TTC12: variants seen among roughly 807,000 people sequenced by gnomAD.
The protein encoded by TTC12 is tetratricopeptide repeat domain 12.
In TTC12, 70 loss-of-function variants were observed where a neutral mutation model predicts 90.1. The observed-to-expected ratio is 0.78, with a 90% confidence interval of 0.64 to 0.95. The LOEUF (loss-of-function observed/expected upper bound fraction) is 0.95. TTC12 is among the 40% of genes least tolerant of loss of function. TTC12 has a pLI of 0.00. For synonymous variants in TTC12, 296 were observed against 311.5 expected, an observed-to-expected ratio of 0.95 and a Z score of 0.53; for missense variants, 819 against 846.1, an observed-to-expected ratio of 0.97 and a Z score of 0.40.
rs1946932059 is a variant in TTC12, at chr11:113,316,231, T to G, written c.-15-12T>G. 1 of 1,368,584 alleles carries G rather than the reference T, an allele frequency of 7.3e-7. No homozygotes were observed. Among genetic ancestry groups the G allele is most frequent in the Admixed American group, 2.6e-5 (1 of 38,148 alleles). The allele number at this position is 1,368,584 out of a possible 1,614,324, so 84.8% of individuals were successfully genotyped here. A position where few individuals can be genotyped will look rare whatever the true frequency, so the allele number is the denominator to read the frequency against. ...ATTATTATTAATTTCACCATTATGC[T>G]GCATCCCTTAGGGATTCCGGTTCAC... On this transcript the variant is annotated splice_polypyrimidine_tract_variant and intron_variant, in intron 1 of 21. Coordinates refer to ENST00000529221, the MANE Select transcript of TTC12 (RefSeq NM_017868.4).
intron 12 of TTC12, among the ~76,000 whole-genome samples, 163 bp from the exon 13 acceptor site, chr11:113,344,109 T>G (rs1555147101): frequency 6.6e-6 from 1 of 152,222 alleles, no homozygotes; most frequent in African/African-American, 2.4e-5. Context: ...CCCTGGGCAT[T>G]CGGACCCAGC....
downstream of TTC12, chr11:113,368,514 C>G: frequency 6.5e-7 from 1 of 1,548,232 alleles, no homozygotes; most frequent in Non-Finnish European, 8.7e-7. Flanking sequence ...ATTTTCCATC[C>G]TAAAGAGGAT....
intron 6 of TTC12, among the ~76,000 whole-genome samples, chr11:113,327,820 G>C (rs374001088): frequency 8.9e-4 from 135 of 152,266 alleles, no homozygotes; most frequent in African/African-American, 2.8e-3. Flanking sequence ...CTGGAGAAAA[G>C]GATGATGCTT....
At chr11:113,351,188 T>C in intron 14 of TTC12, 51 bp from the exon 15 acceptor site, 1 of 1,529,790 alleles carries the variant, frequency 6.5e-7, no homozygotes, top group Non-Finnish European at 9.1e-7. Flanking sequence ...TGTATTTATG[T>C]TATAGTTTAT....
rs1221635143 is a variant in TTC12, at chr11:113,324,732, A to G, written c.322+50A>G. 3.3e-6 allele frequency: 5 copies of G among 1,521,428 alleles called. No homozygotes were observed. The African/African-American group carries it at 6.8e-5, about 21-fold the overall frequency. 94.2% of individuals were successfully genotyped at this position (1,521,428 alleles called of 1,614,324 possible). The stretch of plus-strand genomic sequence containing the variant: ...ATGGCTGGGATGATTTGTGCTAGAA[A>G]GAGCACACGAAGGCCTGTATGCTGA... On this transcript the variant is annotated intron_variant, in intron 5 of 21. Coordinates refer to ENST00000529221, the MANE Select transcript of TTC12 (RefSeq NM_017868.4).
At chr11:113,317,694 C>T (rs951507140) in intron 2 of TTC12, among the ~76,000 whole-genome samples, 20 of 152,138 alleles carry the variant, frequency 1.3e-4, no homozygotes, top group African/African-American at 4.6e-4. Flanking sequence ...TCTCTCATAT[C>T]TCCCTACCTC....
At chr11:113,338,915 A>C in intron 9 of TTC12, 81 bp downstream of exon 9, 1 of 1,325,986 alleles carries the variant, frequency 7.5e-7, no homozygotes, top group Non-Finnish European at 1.1e-6. Flanking sequence ...CCGTGCTTTC[A>C]CTGCCCTTGG....
chr11:113,315,803 A>G (rs1329556641), intron 1 of TTC12: 1 of 153,422 alleles, frequency 6.5e-6, no homozygotes, highest in Non-Finnish European at 1.5e-5. Context: ...ATGGACATTT[A>G]GATGCAAATT....
At chr11:113,351,400 C>T (rs1263169856) in intron 15 of TTC12, 101 bp downstream of exon 15, 10 of 957,180 alleles carry the variant, frequency 1.0e-5, no homozygotes, top group Middle Eastern at 2.1e-4. Flanking sequence ...TATTGTCTCT[C>T]GGTTGATTAG....
chr11:113,350,810 CG>C (rs1419523091), intron 14 of TTC12, among the ~76,000 whole-genome samples: 1 of 152,210 alleles, frequency 6.6e-6, no homozygotes. Context: ...TGGCACGGGC[CG>C]GGGTATGGAA....
At chr11:113,356,481 A>G (rs1282093766) in intron 16 of TTC12, among the ~76,000 whole-genome samples, 2 of 152,336 alleles carry the variant, frequency 1.3e-5, no homozygotes, top group African/African-American at 4.8e-5. Context: ...TGATCCCATC[A>G]TCGTGATATT....
At chr11:113,328,618 C>T (rs370285728) in intron 6 of TTC12, among the ~76,000 whole-genome samples, 170 of 152,102 alleles carry the variant, frequency 1.1e-3, no homozygotes, top group Middle Eastern at 6.8e-3. Flanking sequence ...TTGATAACAG[C>T]GTTATTGAGA....
intron 20 of TTC12, 118 bp downstream of exon 20, chr11:113,364,045 C>G (rs538892544): frequency 3.0e-6 from 2 of 662,842 alleles, no homozygotes; most frequent in South Asian, 3.8e-5. Context: ...CTCTCCCAGA[C>G]TTCAGCAATG....
At chr11:113,334,648 A>G (rs1199171476) in intron 7 of TTC12, among the ~76,000 whole-genome samples, 1 of 151,586 alleles carries the variant, frequency 6.6e-6, no homozygotes, top group Admixed American at 6.6e-5. Flanking sequence ...TTTTACAAGC[A>G]TCCTAGATGA....
intron 2 of TTC12, among the ~76,000 whole-genome samples, chr11:113,322,951 G>T (rs553122263): frequency 1.5e-4 from 23 of 152,054 alleles, no homozygotes; most frequent in African/African-American, 4.8e-4. Flanking sequence ...CTTCAAAAAA[G>T]GATCTTTTTT....
Position 113,366,252 on chromosome 11 carries a change from T to C in TTC12, c.2070T>C (p.His690=), listed in dbSNP as rs61744785. The change falls in exon 22 of 22, where the codon CAT becomes CAC. Residue 690 remains histidine (H), a synonymous_variant. Coordinates refer to ENST00000529221, the MANE Select transcript of TTC12 (RefSeq NM_017868.4). The part of the protein sequence containing the change: ...PRFAAQLRKL[H]GLEILNSTMK... ...TTGCTGCTCAACTGAGAAAGCTTCA[T>C]GGCCTAGAAATTCTCAACTCTACGA... is the stretch of plus-strand genomic sequence containing the variant. 447 of 1,613,782 alleles carry C rather than the reference T, an allele frequency of 2.8e-4. 2 individuals are homozygous for C. In the African/African-American group the frequency reaches 5.4e-3, roughly 19 times the overall value.
At chr11:113,371,908 G>A (rs749874191) in intron 21 of TTC12, among the ~76,000 whole-genome samples, 1 of 152,158 alleles carries the variant, frequency 6.6e-6, no homozygotes, top group African/African-American at 2.4e-5. Flanking sequence ...TCTCATCACC[G>A]TACTTGGCAC....
intron 18 of TTC12, 141 bp downstream of exon 18, chr11:113,360,149 A>G: frequency 3.2e-6 from 2 of 629,832 alleles, no homozygotes; most frequent in South Asian, 2.0e-5. Context: ...GTGTGGATAT[A>G]CTATTCAGAA....
At position 113,348,665 on chromosome 11, in the gene TTC12, A is replaced by G. The variant is rs111605997; in HGVS notation, c.1155-1408A>G. ...TAAGGCTGGTTCTCCAATTACTGAG[A>G]AATATAATGGCTAGGAATCACATGA... On this transcript the variant is annotated intron_variant, in intron 13 of 21. Transcript: ENST00000529221. Among the ~76,000 whole-genome samples, 613 of 152,344 alleles carry G rather than the reference A, an allele frequency of 4.0e-3. 3 individuals carry two copies. The highest frequency in any genetic ancestry group is 0.014 in the African/African-American group (572 of 41,584).
Sources: allele counts gnomAD v4.1 joint callset (sites outside exome capture counted in the v4.1 genomes callset), GRCh38; gene constraint gnomAD v4.1.1; transcripts MANE v1.5; gene names NCBI Gene and HGNC (gene_info 2026-07-23, HGNC 2026-07-21).